EHMT1: variants seen among roughly 807,000 people sequenced by gnomAD.
EHMT1 encodes euchromatic histone lysine methyltransferase 1, also known as histone-lysine N-methyltransferase EHMT1.
Under a neutral mutation model 147.2 loss-of-function variants are expected in EHMT1, and 15 were observed. That is an observed-to-expected ratio of 0.10 (90% CI 0.07 to 0.16). The LOEUF is 0.16. EHMT1 is among the 10% of genes least tolerant of loss of function. The pLI is 1.00. For missense variants in EHMT1, 1,587 were observed against 1,772.4 expected (o/e 0.90, Z 1.88); for synonymous variants, 795 against 709.6 (o/e 1.12, Z -1.91).
In EHMT1 at chr9:137,629,393, G is replaced by GT. The variant is rs1157100203; in HGVS notation, c.21+10351dup. ...CGGCGTGAGCCACCACACCTGGCCAGTTTTTTTGTTGTTGTTGTTAAATGG... is the reference window on the plus strand; with the variant it reads ...CGGCGTGAGCCACCACACCTGGCCAGTTTTTTTTGTTGTTGTTGTTAAATGG... On this transcript the variant is annotated intron_variant, in intron 1 of 26. Coordinates refer to ENST00000460843, the MANE Select transcript of EHMT1 (RefSeq NM_024757.5). Among the ~76,000 whole-genome samples, 134 of 148,414 alleles carry GT rather than the reference G, an allele frequency of 9.0e-4. 2 individuals carry two copies. The highest frequency in any genetic ancestry group is 3.9e-3 in the Middle Eastern group (1 of 256).
rs1044684953 is a variant in EHMT1, at chr9:137,732,907, C to T, written c.823+4378C>T. 6.6e-6 allele frequency among the ~76,000 whole-genome samples: 1 copy of T among 151,996 alleles called. No individual in the cohort carries two copies. The highest frequency in any genetic ancestry group is 1.5e-5 in the Non-Finnish European group (1 of 68,012). ...TTCTGTTAATTTTTAATTACTGTGG[C>T]GATGATCACAGATGGTTCTGCTCTT... On this transcript the variant is annotated intron_variant, in intron 4 of 26. Coordinates refer to ENST00000460843, the MANE Select transcript of EHMT1 (RefSeq NM_024757.5). This position sits in a 1 kb window ranked among gnomAD's most constrained non-coding sequence, Gnocchi z 4.6.
intron 1 of EHMT1, among the ~76,000 whole-genome samples, chr9:137,637,155 C>A (rs981230252): frequency 6.6e-6 from 1 of 151,404 alleles, no homozygotes; most frequent in African/African-American, 2.4e-5. Context: ...TCTCCACCTC[C>A]CAAAGTGCTG....
rs1951685925 is a variant in EHMT1 at position 137,782,978 on chromosome 9, C to T, written c.2382+581C>T. On this transcript the variant is annotated intron_variant, in intron 15 of 26. Coordinates refer to ENST00000460843, the MANE Select transcript of EHMT1 (RefSeq NM_024757.5). The surrounding 1 kb of genome is among the most constrained non-coding windows in gnomAD (Gnocchi z 5.7). ...CCTTCCCTGATCCCGGTGTTGGATC[C>T]CCTGTTTCTCAAGTGCCAGGTTTGA... Among the ~76,000 whole-genome samples the T allele has an allele frequency of 6.6e-6, 1 of 152,162 alleles. No homozygotes were observed. Among genetic ancestry groups the T allele is most frequent in the Non-Finnish European group, 1.5e-5 (1 of 68,024 alleles).
intron 1 of EHMT1, among the ~76,000 whole-genome samples, chr9:137,709,274 G>A (rs746816982): frequency 6.6e-6 from 1 of 152,206 alleles, no homozygotes; most frequent in Non-Finnish European, 1.5e-5. Context: ...GCTGGCTGGC[G>A]TACAGCTGTG....
intron 1 of EHMT1, among the ~76,000 whole-genome samples, chr9:137,621,905 C>T (rs1486395687): frequency 6.6e-6 from 1 of 150,590 alleles, no homozygotes; most frequent in Admixed American, 6.6e-5. Flanking sequence ...AGTGCTAAAA[C>T]CCTTAAAAAA....
chr9:137,783,992 C>T, intron 15 of EHMT1: 1 of 494,986 alleles, frequency 2.0e-6, no homozygotes, highest in Non-Finnish European at 3.6e-6. Context: ...TTATTTATAC[C>T]TAATGTCTTA....
intron 3 of EHMT1, 133 bp downstream of exon 3, chr9:137,717,315 G>A: frequency 8.3e-7 from 1 of 1,198,802 alleles, no homozygotes; most frequent in East Asian, 2.5e-5. Flanking sequence ...TGAGGAGCTA[G>A]GAGAAGGCCG....
chr9:137,771,572 T>C (rs1950585399), intron 10 of EHMT1, among the ~76,000 whole-genome samples: 7 of 152,166 alleles, frequency 4.6e-5, no homozygotes, highest in Admixed American at 4.6e-4. Context: ...GGAGTCCTGG[T>C]CTTGGCTGGT....
chr9:137,805,118 CAT>C (rs975489745), intron 18 of EHMT1, among the ~76,000 whole-genome samples: 7 of 151,544 alleles, frequency 4.6e-5, no homozygotes, highest in Non-Finnish European at 1.0e-4. Flanking sequence ...CAGTCATCTG[CAT>C]GTGTGTGTCT....
chr9:137,739,406 T>A (rs189255267), intron 4 of EHMT1, among the ~76,000 whole-genome samples: 2 of 152,098 alleles, frequency 1.3e-5, no homozygotes, highest in Non-Finnish European at 2.9e-5. Context: ...TAAAGCAGTT[T>A]GAGTGTCCAC....
At position 137,782,580 on chromosome 9, in the gene EHMT1, TC is replaced by T. The variant is rs1296087774; in HGVS notation, c.2382+185del. Among the ~76,000 whole-genome samples the T allele has an allele frequency of 6.6e-6, 1 of 152,238 alleles. No individual in the cohort carries two copies. On this transcript the variant is annotated intron_variant, in intron 15 of 26. Transcript: ENST00000460843. This position sits in a 1 kb window ranked among gnomAD's most constrained non-coding sequence, Gnocchi z 5.7. The stretch of plus-strand genomic sequence containing the variant: ...TGGATCAGTGCTTCCCGCTGTTTCT[TC>T]CGGCATTTACCACGGCCTTTGAGAA...
intron 1 of EHMT1, among the ~76,000 whole-genome samples, chr9:137,710,320 A>G (rs1269039602): frequency 1.3e-5 from 2 of 152,150 alleles, no homozygotes; most frequent in Admixed American, 6.5e-5. Flanking sequence ...TGAAAACACA[A>G]AAAGCATCTG....
At chr9:137,824,146 T>G (rs1164513395) in intron 25 of EHMT1, among the ~76,000 whole-genome samples, 1 of 152,144 alleles carries the variant, frequency 6.6e-6, no homozygotes, top group East Asian at 1.9e-4. Flanking sequence ...ACTGGCACGC[T>G]CCTGTAATCC....
intron 1 of EHMT1, among the ~76,000 whole-genome samples, chr9:137,635,749 G>A (rs1381336543): frequency 6.6e-6 from 1 of 150,988 alleles, no homozygotes; most frequent in Non-Finnish European, 1.5e-5. Flanking sequence ...GAACCTGGGA[G>A]GCGGAGCTTG....
At chr9:137,816,087 C>A in intron 23 of EHMT1, 25 bp downstream of exon 23, 1 of 1,589,624 alleles carries the variant, frequency 6.3e-7, no homozygotes, top group Non-Finnish European at 8.6e-7. Context: ...CCTGCCGGAG[C>A]CCCACATTCT....
rs959644318 is a variant in EHMT1 at position 137,731,051 on chromosome 9, T to C, written c.823+2522T>C. Among the ~76,000 whole-genome samples, 1 of 152,246 alleles carries C rather than the reference T, an allele frequency of 6.6e-6. No homozygotes were observed. Among genetic ancestry groups the C allele is most frequent in the Non-Finnish European group, 1.5e-5 (1 of 68,046 alleles). On this transcript the variant is annotated intron_variant, in intron 4 of 26. Coordinates refer to ENST00000460843, the MANE Select transcript of EHMT1 (RefSeq NM_024757.5). The surrounding 1 kb of genome is among the most constrained non-coding windows in gnomAD (Gnocchi z 4.3). ...AAAGTGTTGAGATTTTCTTTTCCTA[T>C]TTTAGCTTTATTATATCGCCATCTT... is the stretch of plus-strand genomic sequence containing the variant.
At position 137,728,545 on chromosome 9, in the gene EHMT1, C is replaced by T; in HGVS notation, c.823+16C>T. 1.9e-6 allele frequency: 3 copies of T among 1,613,992 alleles called. No homozygotes were observed. The South Asian group carries it at 3.3e-5, about 18-fold the overall frequency. On this transcript the variant is annotated intron_variant, in intron 4 of 26. Coordinates refer to ENST00000460843, the MANE Select transcript of EHMT1 (RefSeq NM_024757.5). ...TCACAGACAGGTAAAGAGGACCCGG[C>T]AACTGTCTCTGCTCTTTGAATGTAT...
At chr9:137,821,691 A>C (rs1310957873) in intron 25 of EHMT1, among the ~76,000 whole-genome samples, 1 of 152,136 alleles carries the variant, frequency 6.6e-6, no homozygotes, top group African/African-American at 2.4e-5. Flanking sequence ...AAGTCAGCTT[A>C]ACAAGTTCTA....
chr9:137,835,109 G>A lies in EHMT1; in HGVS notation c.*156G>A. 1.1e-6 allele frequency: 1 copy of A among 917,414 alleles called. No individual in the cohort carries two copies. The highest frequency in any genetic ancestry group is 1.5e-6 in the Non-Finnish European group (1 of 677,900). 56.8% of individuals were successfully genotyped at this position (917,414 alleles called of 1,614,324 possible). A position where few individuals can be genotyped will look rare whatever the true frequency, so the allele number is the denominator to read the frequency against. On this transcript the variant is annotated 3_prime_UTR_variant, in exon 27 of 27. Transcript: ENST00000460843. ...CGGAGGTGAGGCTGCAGCCCCTGCGGGCGGGTGTGGATGCCTCCCAGCCAC... is the reference window on the plus strand; with the variant it reads ...CGGAGGTGAGGCTGCAGCCCCTGCGAGCGGGTGTGGATGCCTCCCAGCCAC...
Sources: allele counts gnomAD v4.1 joint callset (sites outside exome capture counted in the v4.1 genomes callset), GRCh38; gene constraint gnomAD v4.1.1; non-coding constraint Gnocchi (gnomAD v3.1); transcripts MANE v1.5; gene names NCBI Gene and HGNC (gene_info 2026-07-23, HGNC 2026-07-21).